Variants in ST8SIA2 observed in about 807,000 individuals in gnomAD.
ST8SIA2 encodes alpha-2,8-sialyltransferase 8B.
Under a neutral mutation model 37.6 loss-of-function variants are expected in ST8SIA2, and 22 were observed. The observed-to-expected ratio is 0.58, with a 90% CI of 0.42 to 0.83. The LOEUF is 0.83. Among genes scored for constraint, ST8SIA2 ranks in the 40% least tolerant of loss-of-function variants. ST8SIA2 has a pLI of 0.00. For missense variants in ST8SIA2, 382 were observed against 484.7 expected, an observed-to-expected ratio of 0.79 and a Z score of 1.99; for synonymous variants, 205 against 201.2, an observed-to-expected ratio of 1.02 and a Z score of -0.16.
intron 3 of ST8SIA2, among the ~76,000 whole-genome samples, chr15:92,437,995 C>G (rs2049771239): frequency 6.6e-6 from 1 of 152,198 alleles, no homozygotes; most frequent in Non-Finnish European, 1.5e-5. Context: ...GCTTTCAGTG[C>G]CCGAGCCAGG....
chr15:92,460,405 T>G (rs368921026), intron 5 of ST8SIA2, among the ~76,000 whole-genome samples: 14 of 152,148 alleles, frequency 9.2e-5, no homozygotes, highest in African/African-American at 3.4e-4. Flanking sequence ...ATGGGCTAGT[T>G]TAGGAGGGGG....
intron 4 of ST8SIA2, among the ~76,000 whole-genome samples, chr15:92,439,929 G>A (rs2049788978): frequency 6.6e-6 from 1 of 151,790 alleles, no homozygotes; most frequent in Non-Finnish European, 1.5e-5. Flanking sequence ...CTCCAGGAGT[G>A]CCCAGCAGTA....
At chr15:92,408,139 A>G (rs888853340) in intron 1 of ST8SIA2, among the ~76,000 whole-genome samples, 15 of 152,166 alleles carry the variant, frequency 9.9e-5, no homozygotes, top group Non-Finnish European at 2.2e-4. Context: ...GGCCCAGCAC[A>G]CAACAAAAGA....
At chr15:92,449,642 T>C (rs1335870830) in intron 5 of ST8SIA2, among the ~76,000 whole-genome samples, 3 of 152,248 alleles carry the variant, frequency 2.0e-5, no homozygotes, top group African/African-American at 7.2e-5. Flanking sequence ...TTCTCTTTTC[T>C]CCACATCCTC....
intron 1 of ST8SIA2, among the ~76,000 whole-genome samples, chr15:92,399,341 A>G (rs1008030407): frequency 1.3e-5 from 2 of 152,208 alleles, no homozygotes; most frequent in Non-Finnish European, 2.9e-5. Context: ...GCCATCCAGT[A>G]CACCACGGCC....
chr15:92,439,995 C>T (rs1160964123), intron 4 of ST8SIA2, among the ~76,000 whole-genome samples: 1 of 152,184 alleles, frequency 6.6e-6, no homozygotes, highest in Non-Finnish European at 1.5e-5. Context: ...GTAAGCCATG[C>T]CTCTTCCATT....
intron 5 of ST8SIA2, among the ~76,000 whole-genome samples, chr15:92,457,749 G>A (rs749481217): frequency 3.9e-5 from 6 of 152,184 alleles, no homozygotes; most frequent in African/African-American, 1.2e-4. Flanking sequence ...CAAGCTGCTC[G>A]TTAAGTGGCG....
chr15:92,433,407 T>C (rs1052321130), intron 2 of ST8SIA2, among the ~76,000 whole-genome samples: 4 of 152,200 alleles, frequency 2.6e-5, no homozygotes, highest in African/African-American at 7.2e-5. Context: ...CCTTTAAAGA[T>C]AGAATTGTAA....
chr15:92,437,998 G>A lies in ST8SIA2; in HGVS notation c.291-355G>A, dbSNP rs73547831. The stretch of plus-strand genomic sequence containing the variant: ...CAGGGACATGGGGCTTTCAGTGCCC[G>A]AGCCAGGCAGTCCTGGGGAAACTGG... On this transcript the variant is annotated intron_variant, in intron 3 of 5. Transcript: ENST00000268164. Among the ~76,000 whole-genome samples, 1,282 of 152,286 alleles carry A rather than the reference G, an allele frequency of 8.4e-3. 25 individuals carry two copies. The highest frequency in any genetic ancestry group is 0.029 in the African/African-American group (1,194 of 41,552).
chr15:92,399,328 G>T (rs1265726025), intron 1 of ST8SIA2, among the ~76,000 whole-genome samples: 2 of 152,324 alleles, frequency 1.3e-5, no homozygotes, highest in African/African-American at 4.8e-5. Flanking sequence ...CATCAGAACT[G>T]ATGCCATCCA....
At chr15:92,449,558 A>G (rs1450887737) in intron 5 of ST8SIA2, among the ~76,000 whole-genome samples, 1 of 152,208 alleles carries the variant, frequency 6.6e-6, no homozygotes, top group Non-Finnish European at 1.5e-5. Context: ...TAGTAGTTCT[A>G]CTTTCCTTGC....
intron 1 of ST8SIA2, among the ~76,000 whole-genome samples, chr15:92,412,028 G>A (rs192837950): frequency 2.8e-4 from 42 of 152,266 alleles, no homozygotes; most frequent in African/African-American, 9.4e-4. Context: ...CCTTACAGAC[G>A]AGGGCCTCAG....
intron 1 of ST8SIA2, among the ~76,000 whole-genome samples, chr15:92,407,074 A>G (rs894530476): frequency 6.6e-6 from 1 of 152,024 alleles, no homozygotes; most frequent in Non-Finnish European, 1.5e-5. Context: ...CACTGGTTGG[A>G]TTCCTGAGTG....
At chr15:92,460,847 C>T (rs2049952253) in intron 5 of ST8SIA2, among the ~76,000 whole-genome samples, 1 of 152,190 alleles carries the variant, frequency 6.6e-6, no homozygotes, top group African/African-American at 2.4e-5. Flanking sequence ...TGGCTCTTCC[C>T]CTTGCCATCT....
At chr15:92,438,206 T>C in intron 3 of ST8SIA2, 147 bp from the exon 4 acceptor site, 1 of 1,223,890 alleles carries the variant, frequency 8.2e-7, no homozygotes, top group Non-Finnish European at 1.2e-6. Context: ...TGGAACCTGT[T>C]CTCGAGGGCA....
chr15:92,441,682 C>T (rs2049803630), intron 4 of ST8SIA2, among the ~76,000 whole-genome samples: 1 of 152,082 alleles, frequency 6.6e-6, no homozygotes, highest in Admixed American at 6.6e-5. Context: ...ACCACATCAT[C>T]ATCACTGTTA....
chr15:92,442,094 C>T (rs2049807374), intron 4 of ST8SIA2, among the ~76,000 whole-genome samples: 1 of 152,232 alleles, frequency 6.6e-6, no homozygotes, highest in African/African-American at 2.4e-5. Context: ...CCTAACGCCT[C>T]CTTCTCAACT....
rs530314702 is a variant in ST8SIA2 at position 92,427,405 on chromosome 15, G to GA, written c.99-2637dup. On this transcript the variant is annotated intron_variant, in intron 1 of 5. Transcript: ENST00000268164. Reference sequence around the variant, plus strand: ...CAAAATATTTTTGTTGAATGAATAAGAAAAAAATAACTTAGATATATTGGT... The same window carrying GA: ...CAAAATATTTTTGTTGAATGAATAAGAAAAAAAATAACTTAGATATATTGGT... 6.6e-5 allele frequency among the ~76,000 whole-genome samples: 10 copies of GA among 151,902 alleles called. 1 individual carries two copies. The East Asian group carries it at 1.7e-3, about 26-fold the overall frequency.
intron 5 of ST8SIA2, among the ~76,000 whole-genome samples, chr15:92,463,886 C>T (rs1472648819): frequency 6.6e-6 from 1 of 152,022 alleles, no homozygotes; most frequent in East Asian, 1.9e-4. Flanking sequence ...ATTTCATAAA[C>T]TCGTGTCTGT....
Sources: gnomAD v4.1 joint callset for allele counts (sites outside exome capture counted in the v4.1 genomes callset) on GRCh38, gnomAD v4.1.1 for gene constraint, MANE v1.5 for transcripts, NCBI Gene and HGNC (gene_info 2026-07-23, HGNC 2026-07-21) for gene names.